The following DPYD variants were observed in gnomAD, a reference collection of about 807,000 sequenced individuals.
DPYD encodes the protein dihydropyrimidine dehydrogenase [NADP(+)].
In DPYD, 109 loss-of-function variants were observed where a neutral mutation model predicts 116.2. The ratio of observed to expected loss-of-function variants is 0.94; its 90% CI spans 0.80 to 1.10. The LOEUF (loss-of-function observed/expected upper bound fraction) is 1.10. Ranked by LOEUF, DPYD falls within the 50% of genes least tolerant of loss-of-function variation. DPYD has a pLI of 0.00. For missense variants in DPYD, 1,302 were observed against 1,254.5 expected, an observed-to-expected ratio of 1.04 and a Z score of -0.57; for synonymous variants, 440 against 432.0, an observed-to-expected ratio of 1.02 and a Z score of -0.23.
chr1:97,834,762 T>TAA (rs199765558), intron 2 of DPYD, among the ~76,000 whole-genome samples: 5 of 143,044 alleles, frequency 3.5e-5, no homozygotes, highest in Admixed American at 7.0e-5. Context: ...TAGGTTCCTC[T>TAA]AAAAAAAAAA....
At chr1:97,899,490 T>A (rs1673254605) in intron 1 of DPYD, among the ~76,000 whole-genome samples, 1 of 151,896 alleles carries the variant, frequency 6.6e-6, no homozygotes, top group African/African-American at 2.4e-5. Flanking sequence ...TAACCATGAA[T>A]ACAACAACTT....
chr1:97,876,996 G>A (rs992516220), intron 2 of DPYD, among the ~76,000 whole-genome samples: 1 of 151,982 alleles, frequency 6.6e-6, no homozygotes, highest in Non-Finnish European at 1.5e-5. Flanking sequence ...GGAGAAAGAG[G>A]ATCAATGCCC....
intron 22 of DPYD, among the ~76,000 whole-genome samples, chr1:97,081,407 C>A (rs550218278): frequency 6.6e-6 from 1 of 152,010 alleles, no homozygotes; most frequent in East Asian, 1.9e-4. Flanking sequence ...TTAAAATTTG[C>A]TTTCTCCAAA....
intron 18 of DPYD, among the ~76,000 whole-genome samples, chr1:97,286,131 T>C (rs1172849558): frequency 4.6e-5 from 7 of 152,212 alleles, no homozygotes; most frequent in Non-Finnish European, 1.0e-4. Context: ...AGAAAATCTC[T>C]CAGCATTTGC....
chr1:97,305,482 G>A (rs1570472370), intron 17 of DPYD, 104 bp from the exon 18 acceptor site: 3 of 1,474,300 alleles, frequency 2.0e-6, no homozygotes, highest in Non-Finnish European at 9.4e-7. Context: ...ATTTTATCTT[G>A]AGAACATGTC....
At chr1:97,775,492 A>C (rs1331344987) in intron 3 of DPYD, among the ~76,000 whole-genome samples, 1 of 152,182 alleles carries the variant, frequency 6.6e-6, no homozygotes, top group Non-Finnish European at 1.5e-5. Context: ...AGGAAAATAA[A>C]TCATTTGGAG....
At chr1:97,463,266 T>C (rs1677121876) in intron 13 of DPYD, among the ~76,000 whole-genome samples, 1 of 152,188 alleles carries the variant, frequency 6.6e-6, no homozygotes, top group East Asian at 1.9e-4. Context: ...CTCATGATAG[T>C]GAATAAGTCT....
At chr1:97,731,949 T>G (rs980398759) in intron 4 of DPYD, among the ~76,000 whole-genome samples, 2 of 152,124 alleles carry the variant, frequency 1.3e-5, no homozygotes, top group Non-Finnish European at 1.5e-5. Flanking sequence ...TAAATTTGTC[T>G]ATACTATACA....
intron 19 of DPYD, among the ~76,000 whole-genome samples, chr1:97,227,331 C>CAAAAAAAAAAAAAAAAAAAAAAAAA (rs60992225): frequency 4.2e-4 from 11 of 26,376 alleles, no homozygotes; most frequent in East Asian, 7.1e-4. Context: ...GACTCTATCT[C>CAAAAAAAAAAAAAAAAAAAAAAAAA]AAAAAAAAAA....
chr1:97,595,361 T>C (rs1380946086), intron 8 of DPYD, among the ~76,000 whole-genome samples, 195 bp from the exon 9 acceptor site: 2 of 152,098 alleles, frequency 1.3e-5, no homozygotes, highest in Admixed American at 1.3e-4. Context: ...CTTTAATATA[T>C]AACCAAGTAC....
chr1:97,836,449 G>A (rs1669776947), intron 2 of DPYD, among the ~76,000 whole-genome samples: 1 of 152,140 alleles, frequency 6.6e-6, no homozygotes. Flanking sequence ...GCTGTGTAAT[G>A]CAGTGCATGA....
chr1:97,502,573 T>C (rs181943294), intron 13 of DPYD, among the ~76,000 whole-genome samples: 1 of 152,014 alleles, frequency 6.6e-6, no homozygotes, highest in Non-Finnish European at 1.5e-5. Flanking sequence ...ATTTAAGATG[T>C]CAAAGTCCAC....
chr1:97,757,118 A>G (rs1230925864), intron 3 of DPYD, among the ~76,000 whole-genome samples: 4 of 152,204 alleles, frequency 2.6e-5, no homozygotes, highest in Non-Finnish European at 5.9e-5. Flanking sequence ...TTCAACGAAT[A>G]TTGTTTGAGT....
At chr1:97,354,234 A>G (rs1373376411) in intron 16 of DPYD, among the ~76,000 whole-genome samples, 1 of 152,118 alleles carries the variant, frequency 6.6e-6, no homozygotes, top group African/African-American at 2.4e-5. Flanking sequence ...GACAGCTGAA[A>G]AGTGCATCCC....
chr1:97,568,775 C>G (rs1354879966), intron 11 of DPYD, among the ~76,000 whole-genome samples: 1 of 152,040 alleles, frequency 6.6e-6, no homozygotes, highest in Non-Finnish European at 1.5e-5. Flanking sequence ...AATACCCTAA[C>G]ATGAAGCAAG....
intron 20 of DPYD, among the ~76,000 whole-genome samples, chr1:97,152,507 G>C (rs1308356195): frequency 6.7e-6 from 1 of 149,042 alleles, no homozygotes; most frequent in African/African-American, 2.5e-5. Context: ...ACAAATACAT[G>C]CAGATATAGT....
intron 16 of DPYD, among the ~76,000 whole-genome samples, chr1:97,355,258 AT>A (rs1253997352): frequency 1.3e-5 from 2 of 152,056 alleles, no homozygotes; most frequent in Non-Finnish European, 2.9e-5. Context: ...TTGAAATTTT[AT>A]TTTTTAATAA....
At chr1:97,256,526 C>G (rs1317918374) in intron 18 of DPYD, among the ~76,000 whole-genome samples, 6 of 152,038 alleles carry the variant, frequency 3.9e-5, no homozygotes, top group African/African-American at 1.4e-4. Flanking sequence ...TGCATAAGCT[C>G]TCTCTTTGCC....
intron 3 of DPYD, among the ~76,000 whole-genome samples, chr1:97,742,064 G>C (rs1265369318): frequency 6.6e-6 from 1 of 152,084 alleles, no homozygotes; most frequent in African/African-American, 2.4e-5. Context: ...CATAAAGTGA[G>C]AGTGGGAGTA....
Sources: allele counts gnomAD v4.1 joint callset (sites outside exome capture counted in the v4.1 genomes callset), GRCh38; gene constraint gnomAD v4.1.1; transcripts MANE v1.5; gene names NCBI Gene and HGNC (gene_info 2026-07-23, HGNC 2026-07-21).